Variants in CUX2 observed in about 807,000 individuals in gnomAD.
CUX2 encodes the protein homeobox protein cut-like 2.
In CUX2, 40 loss-of-function variants were observed where a neutral mutation model predicts 144.8. The ratio of observed to expected loss-of-function variants is 0.28; its 90% CI spans 0.21 to 0.36. The LOEUF is 0.36. CUX2 is among the 10% of genes least tolerant of loss of function. The pLI is 1.00. For missense variants in CUX2, 1,615 were observed against 1,994.0 expected (o/e 0.81, Z 3.62); for synonymous variants, 827 against 875.6 (o/e 0.94, Z 0.98).
chr12:111,110,849 C>A (rs768607047), intron 1 of CUX2, among the ~76,000 whole-genome samples: 1 of 152,198 alleles, frequency 6.6e-6, no homozygotes, highest in Non-Finnish European at 1.5e-5. Context: ...GAAGGGGGAA[C>A]CCACACGTTC....
chr12:111,214,318 A>T lies in CUX2; in HGVS notation c.174+8A>T, dbSNP rs1881410078. 1 of 1,499,198 alleles carries T rather than the reference A, an allele frequency of 6.7e-7. No homozygotes were observed. 92.9% of individuals were successfully genotyped at this position (1,499,198 alleles called of 1,614,324 possible). On this transcript the variant is annotated splice_region_variant and intron_variant, in intron 2 of 21. Transcript: ENST00000261726. Reference sequence around the variant, plus strand: ...AAGAAAAATGTACCTGAGGTATGGTATATTTGCCGTTATAGAATTAACTCA... The same window carrying T: ...AAGAAAAATGTACCTGAGGTATGGTTTATTTGCCGTTATAGAATTAACTCA...
intron 9 of CUX2, among the ~76,000 whole-genome samples, chr12:111,300,090 T>C (rs748028232): frequency 3.9e-5 from 6 of 152,214 alleles, no homozygotes; most frequent in Non-Finnish European, 7.3e-5. Context: ...GGTTTCACCA[T>C]GTTGCCCAGA....
At chr12:111,087,130 C>CA (rs1023468149) in intron 1 of CUX2, among the ~76,000 whole-genome samples, 2 of 151,972 alleles carry the variant, frequency 1.3e-5, no homozygotes, top group African/African-American at 4.8e-5. Context: ...GAGGCCGAGG[C>CA]AGGCGGATTG....
chr12:111,344,000 C>T (rs1888689848), intron 21 of CUX2, among the ~76,000 whole-genome samples: 1 of 152,124 alleles, frequency 6.6e-6, no homozygotes, highest in Non-Finnish European at 1.5e-5. Flanking sequence ...TTGCTTTGAG[C>T]CGAGATCACA....
At chr12:111,165,368 G>A (rs1035153655) in intron 1 of CUX2, among the ~76,000 whole-genome samples, 1 of 152,200 alleles carries the variant, frequency 6.6e-6, no homozygotes, top group African/African-American at 2.4e-5. Context: ...TTGAGGCAGT[G>A]GCCTCCAGAA....
rs774524787 is a variant in CUX2, at chr12:111,307,137, G to A, written c.1050+25G>A. On this transcript the variant is annotated intron_variant, in intron 11 of 21. Coordinates refer to ENST00000261726, the MANE Select transcript of CUX2 (RefSeq NM_015267.4). The surrounding 1 kb of genome is among the most constrained non-coding windows in gnomAD (Gnocchi z 4.1). Reference sequence around the variant, plus strand: ...AGTGGGTCCTGGGGAGGAGGCAGGCGGGCAGGCGGCCCCATGCAGAAGCAC... The same window carrying A: ...AGTGGGTCCTGGGGAGGAGGCAGGCAGGCAGGCGGCCCCATGCAGAAGCAC... 9.9e-6 allele frequency: 16 copies of A among 1,613,296 alleles called. No homozygotes were observed. Among genetic ancestry groups the A allele is most frequent in the African/African-American group, 2.7e-5 (2 of 74,910 alleles).
Position 111,190,407 on chromosome 12 carries a change from A to G in CUX2, c.64-23793A>G, listed in dbSNP as rs543243925. 6.6e-6 allele frequency among the ~76,000 whole-genome samples: 1 copy of G among 152,224 alleles called. No individual in the cohort carries two copies. Among genetic ancestry groups the G allele is most frequent in the African/African-American group, 2.4e-5 (1 of 41,530 alleles). On this transcript the variant is annotated intron_variant, in intron 1 of 21. Transcript: ENST00000261726. The surrounding 1 kb of genome is among the most constrained non-coding windows in gnomAD (Gnocchi z 4.0). ...TTATCTTTCAGCTAGTTATTCACGCACACACCCCACACTCTTGTTCCTGAC... is the reference window on the plus strand; with the variant it reads ...TTATCTTTCAGCTAGTTATTCACGCGCACACCCCACACTCTTGTTCCTGAC...
chr12:111,073,064 G>A (rs1871324570), intron 1 of CUX2, among the ~76,000 whole-genome samples: 1 of 152,182 alleles, frequency 6.6e-6, no homozygotes, highest in Non-Finnish European at 1.5e-5. Flanking sequence ...AAAAGGCACA[G>A]ATCCTATAGG....
At chr12:111,091,389 G>A (rs1402998365) in intron 1 of CUX2, among the ~76,000 whole-genome samples, 1 of 152,180 alleles carries the variant, frequency 6.6e-6, no homozygotes, top group Non-Finnish European at 1.5e-5. Context: ...GTTGCTGCTG[G>A]CGGAGGTCAA....
chr12:111,326,359 T>G (rs1480524334), intron 18 of CUX2, among the ~76,000 whole-genome samples: 106 of 15,566 alleles, frequency 6.8e-3, no homozygotes, highest in Admixed American at 0.011. Context: ...GGGGGAGGGG[T>G]GGGTTTTGTT....
At position 111,247,692 on chromosome 12, in the gene CUX2, G is replaced by A. The variant is rs578202412; in HGVS notation, c.223-16069G>A. Among the ~76,000 whole-genome samples, 23 of 152,292 alleles carry A rather than the reference G, an allele frequency of 1.5e-4. No individual in the cohort carries two copies. The East Asian group carries it at 3.1e-3, about 20-fold the overall frequency. Reference sequence around the variant, plus strand: ...CCTGTTGCTGGGGGCAGGATGGGGAGAGGGGTTCTTGGCATTGCTGACCCT... The same window carrying A: ...CCTGTTGCTGGGGGCAGGATGGGGAAAGGGGTTCTTGGCATTGCTGACCCT... On this transcript the variant is annotated intron_variant, in intron 3 of 21. Coordinates refer to ENST00000261726, the MANE Select transcript of CUX2 (RefSeq NM_015267.4).
chr12:111,212,696 C>G (rs1400878593), intron 1 of CUX2, among the ~76,000 whole-genome samples: 1 of 152,192 alleles, frequency 6.6e-6, no homozygotes, highest in African/African-American at 2.4e-5. Context: ...CCCTTCTAGT[C>G]TCATAATTTT....
intron 1 of CUX2, among the ~76,000 whole-genome samples, chr12:111,182,659 G>A (rs199600545): frequency 5.9e-5 from 9 of 152,322 alleles, no homozygotes; most frequent in Middle Eastern, 3.4e-3. Context: ...AACAGTCATC[G>A]TTGGGGATGG....
rs967819249 is a variant in CUX2 at position 111,277,526 on chromosome 12, C to T, written c.301+13687C>T. ...TCACCAGGCTGCCCATTTAGCGCCA[C>T]CCAGCCCACCCTCTCCCCCAGCCCT... On this transcript the variant is annotated intron_variant, in intron 4 of 21. Coordinates refer to ENST00000261726, the MANE Select transcript of CUX2 (RefSeq NM_015267.4). The surrounding 1 kb of genome is among the most constrained non-coding windows in gnomAD (Gnocchi z 5.0). Among the ~76,000 whole-genome samples the T allele has an allele frequency of 2.0e-5, 3 of 152,096 alleles. No homozygotes were observed. The highest frequency in any genetic ancestry group is 6.6e-5 in the Admixed American group (1 of 15,266).
chr12:111,321,197 G>A (rs1245828760), intron 17 of CUX2, among the ~76,000 whole-genome samples: 1 of 151,986 alleles, frequency 6.6e-6, no homozygotes, highest in East Asian at 1.9e-4. Context: ...AGCTGGGCAC[G>A]GTGGCTCACA....
chr12:111,094,276 C>T (rs1824698330), intron 1 of CUX2, among the ~76,000 whole-genome samples: 1 of 152,208 alleles, frequency 6.6e-6, no homozygotes, highest in Non-Finnish European at 1.5e-5. Context: ...GAACAGGCTG[C>T]GGCTGGGCCC....
At chr12:111,319,762 G>A (rs1471343206) in intron 16 of CUX2, among the ~76,000 whole-genome samples, 1 of 152,202 alleles carries the variant, frequency 6.6e-6, no homozygotes, top group Non-Finnish European at 1.5e-5. Flanking sequence ...TCAGGTCTGT[G>A]TTTGCATTGC....
chr12:111,107,326 G>C (rs970238998), intron 1 of CUX2, among the ~76,000 whole-genome samples: 5 of 152,262 alleles, frequency 3.3e-5, no homozygotes, highest in Admixed American at 2.6e-4. Context: ...TTGAGCCCAT[G>C]TAAGTTTCTC....
intron 18 of CUX2, among the ~76,000 whole-genome samples, chr12:111,329,608 C>G (rs1887999682): frequency 6.6e-6 from 1 of 152,082 alleles, no homozygotes; most frequent in Non-Finnish European, 1.5e-5. Context: ...GAGATGCCTT[C>G]AAAGACCCTC....
Sources: allele counts gnomAD v4.1 joint callset (sites outside exome capture counted in the v4.1 genomes callset), GRCh38; gene constraint gnomAD v4.1.1; non-coding constraint Gnocchi (gnomAD v3.1); transcripts MANE v1.5; gene names NCBI Gene and HGNC (gene_info 2026-07-23, HGNC 2026-07-21).